The following NRXN3 variants were observed in gnomAD, a reference collection of about 807,000 sequenced individuals.
NRXN3 encodes neurexin III.
A neutral mutation model predicts 137.6 loss-of-function variants in NRXN3; 32 were observed. That is an observed-to-expected ratio of 0.23 (90% CI 0.18 to 0.31). The LOEUF (loss-of-function observed/expected upper bound fraction) is 0.31, where lower values mean the gene tolerates loss of function less well. NRXN3 is among the 10% of genes least tolerant of loss of function. The pLI is 1.00. For synonymous variants in NRXN3, 798 were observed against 784.5 expected, an observed-to-expected ratio of 1.02 and a Z score of -0.29; for missense variants, 1,574 against 2,062.5, an observed-to-expected ratio of 0.76 and a Z score of 4.59.
chr14:78,803,642 T>G lies in NRXN3; in HGVS notation c.2067T>G (p.Asp689Glu). Residue 689 changes from aspartate (D) to glutamate (E), a missense_variant, in exon 9 of 21, where the codon GAT becomes GAG. Around this residue, in one of 5 missense-constraint regions of NRXN3, gnomAD observed 718 missense variants for 887.6 expected, o/e 0.81. Coordinates refer to ENST00000335750, the MANE Select transcript of NRXN3 (RefSeq NM_001330195.2). ...CAGAGGCATCCATCCTGAGCTATGA[T>G]GGTAGCATGTACATGAAGATCATCA... ...CEREASILSY[D>E]GSMYMKIIMP... 1 of 1,614,160 alleles carries G rather than the reference T, an allele frequency of 6.2e-7. No individual in the cohort carries two copies. Among genetic ancestry groups the G allele is most frequent in the Non-Finnish European group, 8.5e-7 (1 of 1,179,988 alleles).
chr14:79,764,773 C>G (rs534930513), intron 19 of NRXN3, among the ~76,000 whole-genome samples: 40 of 152,116 alleles, frequency 2.6e-4, no homozygotes, highest in Non-Finnish European at 4.9e-4. Context: ...GTGACTTTAT[C>G]TAGGCCAAAA....
At chr14:78,401,775 A>G (rs972324172) in intron 4 of NRXN3, among the ~76,000 whole-genome samples, 2 of 152,238 alleles carry the variant, frequency 1.3e-5, no homozygotes, top group Admixed American at 6.5e-5. Context: ...GATTCAATCT[A>G]TAACTCATAC....
At chr14:78,196,479 G>A (rs1217031939) in intron 1 of NRXN3, among the ~76,000 whole-genome samples, 1 of 152,238 alleles carries the variant, frequency 6.6e-6, no homozygotes, top group Admixed American at 6.5e-5. Context: ...GTGCTGGGTA[G>A]AAAAGACCAG....
At chr14:79,838,948 T>C (rs1348507261) in intron 20 of NRXN3, among the ~76,000 whole-genome samples, 1 of 152,232 alleles carries the variant, frequency 6.6e-6, no homozygotes, top group African/African-American at 2.4e-5. Context: ...AGCTTAAAGA[T>C]GTATTGGTTT....
intron 16 of NRXN3, among the ~76,000 whole-genome samples, chr14:79,551,686 T>G (rs2097374144): frequency 6.6e-6 from 1 of 152,178 alleles, no homozygotes; most frequent in Non-Finnish European, 1.5e-5. Flanking sequence ...GGGACTGGCT[T>G]TTGAACAGCA....
intron 1 of NRXN3, among the ~76,000 whole-genome samples, chr14:78,209,340 A>G (rs2062516590): frequency 1.3e-5 from 2 of 152,168 alleles, no homozygotes; most frequent in Admixed American, 1.3e-4. Context: ...CTGAAGGAGA[A>G]CACAGAGGCT....
At chr14:79,744,306 G>T (rs995635624) in intron 19 of NRXN3, among the ~76,000 whole-genome samples, 4 of 152,158 alleles carry the variant, frequency 2.6e-5, no homozygotes, top group Non-Finnish European at 4.4e-5. Flanking sequence ...TCTACTAGTA[G>T]CCCCAAATAC....
intron 4 of NRXN3, among the ~76,000 whole-genome samples, chr14:78,301,440 C>T (rs1489851238): frequency 2.0e-5 from 3 of 152,220 alleles, no homozygotes; most frequent in African/African-American, 7.2e-5. Context: ...TCGCACCACA[C>T]CTTTGGGTAA....
In NRXN3 at chr14:78,257,714, A is replaced by G. The variant is rs539760280; in HGVS notation, c.709+13912A>G. 7.2e-4 allele frequency among the ~76,000 whole-genome samples: 110 copies of G among 152,268 alleles called. No homozygotes were observed. In the Middle Eastern group the frequency reaches 0.014, roughly 19 times the overall value. On this transcript the variant is annotated intron_variant, in intron 2 of 20. Coordinates refer to ENST00000335750, the MANE Select transcript of NRXN3 (RefSeq NM_001330195.2). ...TAACGAGAGGATGAGTTAGGGAGGGAATGTCTTAACTGCTTTGTAGGGATT... is the reference window on the plus strand; with the variant it reads ...TAACGAGAGGATGAGTTAGGGAGGGGATGTCTTAACTGCTTTGTAGGGATT...
intron 10 of NRXN3, among the ~76,000 whole-genome samples, chr14:78,922,868 A>T (rs562464653): frequency 5.9e-5 from 9 of 152,276 alleles, no homozygotes; most frequent in Non-Finnish European, 8.8e-5. Context: ...AAATAAAATT[A>T]AAAAAATAAT....
At chr14:79,851,840 C>A (rs951337061) in intron 20 of NRXN3, among the ~76,000 whole-genome samples, 1 of 152,176 alleles carries the variant, frequency 6.6e-6, no homozygotes, top group Non-Finnish European at 1.5e-5. Context: ...TTTTCCCCAA[C>A]GTACTTCAGA....
intron 4 of NRXN3, among the ~76,000 whole-genome samples, chr14:78,525,797 C>T (rs2096369689): frequency 6.6e-6 from 1 of 152,162 alleles, no homozygotes; most frequent in South Asian, 2.1e-4. Context: ...TGCTCCTCCT[C>T]GTTTTGTTCT....
At chr14:78,687,006 A>T (rs1253543705) in intron 6 of NRXN3, among the ~76,000 whole-genome samples, 1 of 152,166 alleles carries the variant, frequency 6.6e-6, no homozygotes, top group Admixed American at 6.5e-5. Flanking sequence ...TGAGGAGAGG[A>T]AATAAAGCAC....
chr14:78,217,518 T>C (rs1232801279), intron 1 of NRXN3, among the ~76,000 whole-genome samples: 3 of 152,214 alleles, frequency 2.0e-5, no homozygotes, highest in African/African-American at 2.4e-5. Flanking sequence ...TGAGAAACTC[T>C]ATTTTAAAGA....
chr14:79,450,405 A>G (rs2096147402), intron 15 of NRXN3, among the ~76,000 whole-genome samples: 1 of 152,210 alleles, frequency 6.6e-6, no homozygotes, highest in African/African-American at 2.4e-5. Flanking sequence ...TGTAAATTGC[A>G]AAATTGCCAA....
intron 16 of NRXN3, among the ~76,000 whole-genome samples, chr14:79,620,316 G>C (rs917899695): frequency 3.9e-5 from 6 of 152,128 alleles, no homozygotes; most frequent in African/African-American, 1.4e-4. Context: ...AAAAGATTTA[G>C]ATTGTTGGAG....
intron 20 of NRXN3, among the ~76,000 whole-genome samples, chr14:79,850,607 A>T (rs1390810585): frequency 7.2e-5 from 11 of 152,212 alleles, no homozygotes; most frequent in Admixed American, 7.2e-4. Context: ...GGTAGTATCG[A>T]AATATACTGT....
At chr14:78,534,215 C>G (rs1340969979) in intron 4 of NRXN3, among the ~76,000 whole-genome samples, 1 of 152,160 alleles carries the variant, frequency 6.6e-6, no homozygotes, top group Non-Finnish European at 1.5e-5. Context: ...TGCTGCCTCT[C>G]TCTTAAATAA....
At chr14:79,432,628 C>A (rs1433101029) in intron 15 of NRXN3, among the ~76,000 whole-genome samples, 2 of 152,100 alleles carry the variant, frequency 1.3e-5, no homozygotes, top group Admixed American at 6.6e-5. Context: ...TGGTTAACAT[C>A]CTTAATATTC....
Sources: gnomAD v4.1 joint callset for allele counts (sites outside exome capture counted in the v4.1 genomes callset) on GRCh38, gnomAD v4.1.1 for gene constraint, gnomAD v4.1.1 regional missense constraint, MANE v1.5 for transcripts, NCBI Gene and HGNC (gene_info 2026-07-23, HGNC 2026-07-21) for gene names.